Variants in EXPH5 observed in about 807,000 individuals in gnomAD.
EXPH5 encodes the protein exophilin 5.
In EXPH5, 42 loss-of-function variants were observed where a neutral mutation model predicts 41.1. The ratio of observed to expected loss-of-function variants is 1.02; its 90% CI spans 0.80 to 1.32. EXPH5 has a LOEUF of 1.32. Ranked by LOEUF, EXPH5 falls within the 40% of genes most tolerant of loss-of-function variation. The pLI is 0.00. For synonymous variants in EXPH5, 798 were observed against 833.5 expected, an observed-to-expected ratio of 0.96 and a Z score of 0.73; for missense variants, 2,298 against 2,314.5, an observed-to-expected ratio of 0.99 and a Z score of 0.15.
chr11:108,582,616 A>C (rs772693614), intron 1 of EXPH5, among the ~76,000 whole-genome samples: 4 of 152,228 alleles, frequency 2.6e-5, no homozygotes, highest in African/African-American at 4.8e-5. Flanking sequence ...TTTCTTGAGC[A>C]TGTAAGTGGA....
At chr11:108,602,376 C>T in the EXPH5 span, among the ~76,000 whole-genome samples, 3 of 152,298 alleles carry the variant, frequency 2.0e-5, no homozygotes, top group East Asian at 5.8e-4. Context: ...CAAATTCCTT[C>T]CTTGATAGTT....
chr11:108,512,647 C>T lies in EXPH5; in HGVS notation c.2860G>A (p.Asp954Asn), dbSNP rs758124920. 4.3e-6 allele frequency: 7 copies of T among 1,613,960 alleles called. No individual in the cohort carries two copies. The African/African-American group carries it at 8.0e-5, about 18-fold the overall frequency. ...ERNDSPVPTH[D>N]EVVDVKCHSH... ...TGGCATTTGACATCAACCACTTCAT[C>T]ATGTGTAGGCACAGGACTATCATTT... The change falls in exon 6 of 6, where the codon GAT (aspartate) becomes AAT (asparagine). Residue 954 changes from aspartate to asparagine, a missense_variant. By Grantham distance (23) the Asp-to-Asn change is conservative. Transcript: ENST00000265843.
chr11:108,585,629 G>A (rs2094110864), intron 1 of EXPH5, among the ~76,000 whole-genome samples: 1 of 152,162 alleles, frequency 6.6e-6, no homozygotes, highest in African/African-American at 2.4e-5. Flanking sequence ...TAGCCTGAAT[G>A]ACAAAGACAG....
intron 1 of EXPH5, among the ~76,000 whole-genome samples, chr11:108,554,499 A>G (rs1591731989): frequency 1.3e-5 from 2 of 152,314 alleles, no homozygotes; most frequent in South Asian, 2.1e-4. Context: ...TGTTCCTGGA[A>G]CAAATGAAAC....
rs960650037 is a variant in EXPH5, at chr11:108,507,579, G to A, written c.*1958C>T. 1 of 152,166 alleles carries A rather than the reference G, an allele frequency of 6.6e-6. No individual in the cohort carries two copies. Among genetic ancestry groups the A allele is most frequent in the African/African-American group, 2.4e-5 (1 of 41,446 alleles). The allele number at this position is 152,166 out of a possible 1,614,324, so 9.4% of individuals were successfully genotyped here. A position where few individuals can be genotyped will look rare whatever the true frequency, so the allele number is the denominator to read the frequency against. ...TTGGTCTTTATCCTGAATTAGGAGA[G>A]AAATCCCCCGAGGTTCTGCATGGCA... On this transcript the variant is annotated 3_prime_UTR_variant, in exon 6 of 6. Coordinates refer to ENST00000265843, the MANE Select transcript of EXPH5 (RefSeq NM_015065.3).
At position 108,510,662 on chromosome 11, in the gene EXPH5, A is replaced by T. The variant is rs1201614166; in HGVS notation, c.4845T>A (p.His1615Gln). Residue 1615 changes from histidine (H) to glutamine (Q), a missense_variant, in exon 6 of 6, where the codon CAT (histidine) becomes CAA (glutamine). Coordinates refer to ENST00000265843, the MANE Select transcript of EXPH5 (RefSeq NM_015065.3). Reference sequence around the variant, plus strand: ...CACTTTGGGGGAAGATAGTAGCTACATGTCTTCTGGGGCTTACATCTTTAG... The same window carrying T: ...CACTTTGGGGGAAGATAGTAGCTACTTGTCTTCTGGGGCTTACATCTTTAG... ...FPAKDVSPRR[H>Q]VATIFPQSGS... 1 of 1,614,140 alleles carries T rather than the reference A, an allele frequency of 6.2e-7. No individual in the cohort carries two copies.
At position 108,593,411 on chromosome 11, in the gene EXPH5, T is replaced by C. The variant is rs1316578056; in HGVS notation, c.119+7A>G. ...CCCAGGACAAAAGAAATGAATTTGC[T>C]CTGTACCTGATCCTGTCCTTCTCGG... On this transcript the variant is annotated splice_region_variant and intron_variant, in intron 1 of 5. Coordinates refer to ENST00000265843, the MANE Select transcript of EXPH5 (RefSeq NM_015065.3). 1.2e-6 allele frequency: 2 copies of C among 1,611,222 alleles called. No homozygotes were observed. Among genetic ancestry groups the C allele is most frequent in the Middle Eastern group, 1.6e-4 (1 of 6,078 alleles).
intron 1 of EXPH5, among the ~76,000 whole-genome samples, chr11:108,558,152 A>T (rs1042249240): frequency 6.6e-6 from 1 of 152,148 alleles, no homozygotes; most frequent in African/African-American, 2.4e-5. Flanking sequence ...CATGTTGTCC[A>T]GGCTGGTCTT....
At position 108,513,313 on chromosome 11, in the gene EXPH5, G is replaced by A. The variant is rs1313647496; in HGVS notation, c.2194C>T (p.Gln732Ter). 1 of 1,613,402 alleles carries A rather than the reference G, an allele frequency of 6.2e-7. No individual in the cohort carries two copies. Among genetic ancestry groups the A allele is most frequent in the East Asian group, 2.2e-5 (1 of 44,880 alleles). The change falls in exon 6 of 6, where the codon CAG (glutamine) becomes TAG (stop). Residue 732 changes from glutamine (Q) to a stop codon, truncating the protein, a stop_gained. Transcript: ENST00000265843. LOFTEE classifies it low-confidence loss of function (END_TRUNC). ...KAGEIPQPVS[Q>*]TGISNSLPDF... is the part of the protein sequence containing the mutation. Reference sequence around the variant, plus strand: ...GGTAAAGAGTTTGAGATCCCTGTCTGTGAAACAGGTTGGGGTATTTCACCT... The same window carrying A: ...GGTAAAGAGTTTGAGATCCCTGTCTATGAAACAGGTTGGGGTATTTCACCT...
At chr11:108,600,980 GAAGCATGCT>G in the EXPH5 span, among the ~76,000 whole-genome samples, 1 of 152,170 alleles carries the variant, frequency 6.6e-6, no homozygotes, top group Non-Finnish European at 1.5e-5. Flanking sequence ...CATGCCTTAA[GAAGCATGCT>G]AAGTCCTGCA....
Position 108,509,677 on chromosome 11 carries a change from G to A in EXPH5, c.5830C>T (p.Gln1944Ter). The change falls in exon 6 of 6, where the codon CAG becomes TAG. Residue 1944 changes from glutamine to a stop codon, truncating the protein, a stop_gained. Coordinates refer to ENST00000265843, the MANE Select transcript of EXPH5 (RefSeq NM_015065.3). LOFTEE classifies it high-confidence loss of function. ...GGAGATAAGCCATCTTCTGGCACCTGACTACTGGGAGAATTTGAGCTTAAT... is the reference window on the plus strand; with the variant it reads ...GGAGATAAGCCATCTTCTGGCACCTAACTACTGGGAGAATTTGAGCTTAAT... ...ESLSSNSPSS[Q>*]VPEDGLSPSE... 1 of 1,613,918 alleles carries A rather than the reference G, an allele frequency of 6.2e-7. No homozygotes were observed. Among genetic ancestry groups the A allele is most frequent in the Non-Finnish European group, 8.5e-7 (1 of 1,179,954 alleles).
intron 1 of EXPH5, among the ~76,000 whole-genome samples, chr11:108,544,419 C>G (rs1367056118): frequency 2.0e-5 from 3 of 152,178 alleles, no homozygotes; most frequent in Non-Finnish European, 4.4e-5. Context: ...CCTCCCACTT[C>G]AGCCCCTCAA....
intron 4 of EXPH5, among the ~76,000 whole-genome samples, chr11:108,522,404 C>T (rs1402522694): frequency 6.6e-6 from 1 of 152,152 alleles, no homozygotes; most frequent in Non-Finnish European, 1.5e-5. Context: ...TTAGTTTTAA[C>T]TACCCTATGG....
At chr11:108,601,487 A>G in the EXPH5 span, among the ~76,000 whole-genome samples, 129 of 152,374 alleles carry the variant, frequency 8.5e-4, no homozygotes, top group Non-Finnish European at 1.5e-3. Flanking sequence ...ACAACAATTT[A>G]TATAATAACA....
In EXPH5 at chr11:108,510,134, G is replaced by A. The variant is rs761462560; in HGVS notation, c.5373C>T (p.Leu1791=). The A allele has an allele frequency of 8.1e-6, 13 of 1,613,812 alleles. No homozygotes were observed. The highest frequency in any genetic ancestry group is 1.1e-5 in the Non-Finnish European group (13 of 1,180,036). The change falls in exon 6 of 6, where the codon CTC becomes CTT. Residue 1791 remains leucine (L), a synonymous_variant. Coordinates refer to ENST00000265843, the MANE Select transcript of EXPH5 (RefSeq NM_015065.3). ...TGCTTTTTAAACTCTTTGAACGATA[G>A]AGGTGTGGCTCAGGTTCCCACTCCA... The part of the protein sequence containing the change: ...SSLEWEPEPH[L]YRSKSLKSIN...
intron 1 of EXPH5, among the ~76,000 whole-genome samples, chr11:108,543,629 G>A (rs1179541159): frequency 6.6e-6 from 1 of 152,192 alleles, no homozygotes; most frequent in African/African-American, 2.4e-5. Context: ...TGATGAGCAA[G>A]ATATCTGTGA....
At chr11:108,553,549 C>T (rs2093977491) in intron 1 of EXPH5, among the ~76,000 whole-genome samples, 1 of 152,208 alleles carries the variant, frequency 6.6e-6, no homozygotes, top group Non-Finnish European at 1.5e-5. Flanking sequence ...GGAAATCACC[C>T]ACTGTAACTT....
chr11:108,607,276 A>T, the EXPH5 span, among the ~76,000 whole-genome samples: 1 of 152,272 alleles, frequency 6.6e-6, no homozygotes. Flanking sequence ...ATCAAGAATA[A>T]GAATTATTTT....
At chr11:108,602,995 TAGTG>T in the EXPH5 span, among the ~76,000 whole-genome samples, 5 of 152,268 alleles carry the variant, frequency 3.3e-5, no homozygotes, top group South Asian at 1.0e-3. Flanking sequence ...GTTCTCGTGA[TAGTG>T]AGTGAATTCT....
Sources: gnomAD v4.1 joint callset for allele counts (sites outside exome capture counted in the v4.1 genomes callset) on GRCh38, gnomAD v4.1.1 for gene constraint, MANE v1.5 for transcripts, NCBI Gene and HGNC (gene_info 2026-07-23, HGNC 2026-07-21) for gene names.